The following MAN1C1 variants were observed in gnomAD, a reference collection of about 807,000 sequenced individuals.
The protein encoded by MAN1C1 is mannosidase alpha class 1C member 1.
In MAN1C1, 49 loss-of-function variants were observed where a neutral mutation model predicts 71.5. The ratio of observed to expected loss-of-function variants is 0.69; its 90% CI spans 0.54 to 0.87. The LOEUF (loss-of-function observed/expected upper bound fraction) is 0.87, where lower values mean the gene tolerates loss of function less well. Ranked by LOEUF, MAN1C1 falls within the 40% of genes least tolerant of loss-of-function variation. MAN1C1 has a pLI of 0.00. For missense variants in MAN1C1, 743 were observed against 835.0 expected (o/e 0.89, Z 1.36); for synonymous variants, 352 against 343.7 (o/e 1.02, Z -0.27).
intron 1 of MAN1C1, among the ~76,000 whole-genome samples, chr1:25,628,162 C>A (rs1042783154): frequency 6.6e-6 from 1 of 152,058 alleles, no homozygotes; most frequent in Non-Finnish European, 1.5e-5. Context: ...TTTAGATTTT[C>A]TTTAATTTCT....
chr1:25,696,389 G>A (rs1332164955), intron 2 of MAN1C1, among the ~76,000 whole-genome samples: 2 of 151,730 alleles, frequency 1.3e-5, no homozygotes, highest in African/African-American at 4.9e-5. Flanking sequence ...TCGAACCCTG[G>A]TCTTCTAACT....
At chr1:25,744,869 G>A (rs970438579) in intron 2 of MAN1C1, among the ~76,000 whole-genome samples, 2 of 152,182 alleles carry the variant, frequency 1.3e-5, no homozygotes, top group Non-Finnish European at 2.9e-5. Context: ...TTTCCACTGC[G>A]GAAGGTGGAG....
chr1:25,782,562 C>A lies in MAN1C1; in HGVS notation c.1651-23C>A. On this transcript the variant is annotated intron_variant, in intron 10 of 11. Coordinates refer to ENST00000374332, the MANE Select transcript of MAN1C1 (RefSeq NM_020379.4). This position sits in a 1 kb window ranked among gnomAD's most constrained non-coding sequence, Gnocchi z 4.4. ...CCTGTCCCGTGTTAAGGCTGTTTTC[C>A]TCCTCCTCTTCCCCTTCCTCAGGCC... 6.4e-7 allele frequency: 1 copy of A among 1,555,882 alleles called. No individual in the cohort carries two copies. Among genetic ancestry groups the A allele is most frequent in the Non-Finnish European group, 8.9e-7 (1 of 1,127,030 alleles).
intron 2 of MAN1C1, among the ~76,000 whole-genome samples, chr1:25,718,366 ACT>A (rs1205648976): frequency 1.3e-5 from 2 of 151,974 alleles, no homozygotes; most frequent in African/African-American, 4.8e-5. Flanking sequence ...TGGACAGTTG[ACT>A]CTCTGCCTGC....
At chr1:25,684,774 AAC>A (rs1290475354) in intron 1 of MAN1C1, among the ~76,000 whole-genome samples, 2 of 152,236 alleles carry the variant, frequency 1.3e-5, no homozygotes, top group African/African-American at 4.8e-5. Context: ...TAAGGCGGGA[AAC>A]ACAGGCTGGG....
chr1:25,673,304 G>A (rs940764064), intron 1 of MAN1C1, among the ~76,000 whole-genome samples: 4 of 152,146 alleles, frequency 2.6e-5, no homozygotes, highest in Non-Finnish European at 4.4e-5. Context: ...ACTGATCCTT[G>A]CAGCACCCAG....
chr1:25,656,889 G>A (rs939561412), intron 1 of MAN1C1, among the ~76,000 whole-genome samples: 8 of 151,374 alleles, frequency 5.3e-5, no homozygotes, highest in Non-Finnish European at 1.0e-4. Context: ...GCAGTGGCGC[G>A]ATCTTGACTC....
rs969436122 is a variant in MAN1C1 at position 25,746,408 on chromosome 1, C to G, written c.638-260C>G. On this transcript the variant is annotated intron_variant, in intron 2 of 11. Transcript: ENST00000374332. The surrounding 1 kb of genome is among the most constrained non-coding windows in gnomAD (Gnocchi z 4.0). ...TGACCAACAGAAGAGTGGACCGAGT[C>G]TGGGAAGTGGCTCAGCCTGGGCCCT... is the stretch of plus-strand genomic sequence containing the variant. Among the ~76,000 whole-genome samples, 11 of 152,234 alleles carry G rather than the reference C, an allele frequency of 7.2e-5. No individual in the cohort carries two copies. Among genetic ancestry groups the G allele is most frequent in the African/African-American group, 2.4e-4 (10 of 41,460 alleles).
At chr1:25,721,363 TC>T (rs1193818758) in intron 2 of MAN1C1, among the ~76,000 whole-genome samples, 1 of 152,192 alleles carries the variant, frequency 6.6e-6, no homozygotes. Flanking sequence ...AATTTATAGA[TC>T]AATTTGAGGA....
intron 4 of MAN1C1, among the ~76,000 whole-genome samples, chr1:25,751,914 C>T (rs1478868224): frequency 6.6e-6 from 1 of 152,154 alleles, no homozygotes; most frequent in East Asian, 1.9e-4. Flanking sequence ...ACTGAGGCCT[C>T]TCTCTTCCCT....
chr1:25,644,512 A>ATTTT (rs1412655325), intron 1 of MAN1C1: 14 of 91,004 alleles, frequency 1.5e-4, no homozygotes, highest in African/African-American at 1.0e-3. Flanking sequence ...ATATATATAT[A>ATTTT]TATATATTTT....
chr1:25,771,563 C>A, intron 7 of MAN1C1, 94 bp from the exon 8 acceptor site: 1 of 898,820 alleles, frequency 1.1e-6, no homozygotes, highest in Non-Finnish European at 1.8e-6. Flanking sequence ...CGTACAGGCA[C>A]CGGGCCCCTG....
chr1:25,726,384 A>G (rs1171304036), intron 2 of MAN1C1, among the ~76,000 whole-genome samples: 1 of 152,198 alleles, frequency 6.6e-6, no homozygotes, highest in Non-Finnish European at 1.5e-5. Context: ...GTGACCAGGC[A>G]CTAATAGAAG....
intron 1 of MAN1C1, 128 bp from the exon 2 acceptor site, chr1:25,686,312 C>CAATTTGGAA (rs1557765228): frequency 5.2e-6 from 4 of 767,638 alleles, no homozygotes; most frequent in Non-Finnish European, 8.9e-6. Flanking sequence ...TCACTTTCTC[C>CAATTTGGAA]AATTTGGAAA....
intron 1 of MAN1C1, among the ~76,000 whole-genome samples, chr1:25,635,456 A>ATG (rs1488419533): frequency 1.4e-4 from 8 of 55,444 alleles, no homozygotes; most frequent in African/African-American, 3.4e-4. Context: ...TTTTTTTTTT[A>ATG]TGTGTGTGTG....
At chr1:25,671,697 A>G (rs866202627) in intron 1 of MAN1C1, among the ~76,000 whole-genome samples, 49 of 152,302 alleles carry the variant, frequency 3.2e-4, no homozygotes, top group Middle Eastern at 6.8e-3. Context: ...GAAGGCCGTG[A>G]GGTAGTGTAT....
At chr1:25,705,550 A>G (rs563071159) in intron 2 of MAN1C1, among the ~76,000 whole-genome samples, 2 of 152,354 alleles carry the variant, frequency 1.3e-5, no homozygotes, top group Admixed American at 6.5e-5. Context: ...TGGGTCACTA[A>G]TCTTTACACA....
chr1:25,771,612 C>A, intron 7 of MAN1C1, 45 bp from the exon 8 acceptor site: 3 of 1,473,892 alleles, frequency 2.0e-6, no homozygotes, highest in Middle Eastern at 1.8e-4. Flanking sequence ...CCGTGAGAGC[C>A]GGCGGCAGAT....
intron 2 of MAN1C1, among the ~76,000 whole-genome samples, chr1:25,734,561 G>C (rs760062026): frequency 3.4e-4 from 52 of 152,372 alleles, no homozygotes; most frequent in Middle Eastern, 3.4e-3. Flanking sequence ...AAGCTTTTGT[G>C]GGGGTGTCCA....
Sources: gnomAD v4.1 joint callset for allele counts (sites outside exome capture counted in the v4.1 genomes callset) on GRCh38, gnomAD v4.1.1 for gene constraint, Gnocchi (gnomAD v3.1) non-coding constraint, MANE v1.5 for transcripts, NCBI Gene and HGNC (gene_info 2026-07-23, HGNC 2026-07-21) for gene names.